Variants in BMP2K observed in about 807,000 individuals in gnomAD.
BMP2K encodes the protein BMP-2-inducible protein kinase.
In BMP2K, 74 loss-of-function variants were observed where a neutral mutation model predicts 116.0. That is an observed-to-expected ratio of 0.64 (90% confidence interval 0.53 to 0.77). BMP2K has a LOEUF of 0.77. Among genes scored for constraint, BMP2K ranks in the 30% least tolerant of loss-of-function variants. BMP2K has a pLI of 0.00. For synonymous variants in BMP2K, 486 were observed against 502.5 expected (o/e 0.97, Z 0.44); for missense variants, 1,365 against 1,403.6 (o/e 0.97, Z 0.44).
intron 13 of BMP2K, among the ~76,000 whole-genome samples, chr4:78,874,050 C>T (rs1412417430): frequency 6.6e-5 from 10 of 151,838 alleles, no homozygotes; most frequent in Non-Finnish European, 7.4e-5. Context: ...TGGTGGTGCG[C>T]GCCTGTAATC....
intron 1 of BMP2K, among the ~76,000 whole-genome samples, chr4:78,782,991 C>G (rs1373740070): frequency 6.6e-6 from 1 of 152,130 alleles, no homozygotes; most frequent in Non-Finnish European, 1.5e-5. Context: ...GTGACAGTAC[C>G]TGACAGTGCA....
chr4:78,881,471 T>C (rs573961969), intron 14 of BMP2K, among the ~76,000 whole-genome samples: 19 of 152,176 alleles, frequency 1.2e-4, no homozygotes, highest in African/African-American at 4.6e-4. Flanking sequence ...ACCCACTCTT[T>C]TAGGGTTCAA....
At chr4:78,843,184 A>G (rs1362098846) in intron 4 of BMP2K, among the ~76,000 whole-genome samples, 1 of 151,974 alleles carries the variant, frequency 6.6e-6, no homozygotes, top group Non-Finnish European at 1.5e-5. Flanking sequence ...CTGAGATTAC[A>G]AAAATCACTC....
In BMP2K at chr4:78,847,888, G is replaced by A. The variant is rs572495398; in HGVS notation, c.750+619G>A. 1.6e-4 allele frequency among the ~76,000 whole-genome samples: 24 copies of A among 151,714 alleles called. No individual in the cohort carries two copies. The South Asian group carries it at 4.8e-3, about 30-fold the overall frequency. On this transcript the variant is annotated intron_variant, in intron 6 of 15. Coordinates refer to ENST00000502613, the MANE Select transcript of BMP2K (RefSeq NM_198892.2). ...ATAAAGTAGGAAGAGAGTATTTTAA[G>A]TGTTAATTCATTTAAATTCAGCAGT...
intron 15 of BMP2K, among the ~76,000 whole-genome samples, chr4:78,907,090 C>G (rs753301600): frequency 6.6e-6 from 1 of 151,910 alleles, no homozygotes; most frequent in Non-Finnish European, 1.5e-5. Flanking sequence ...TAGAAACAAC[C>G]TAAATATTCT....
At chr4:78,839,953 GAC>G (rs1730678905) in intron 3 of BMP2K, among the ~76,000 whole-genome samples, 1 of 152,070 alleles carries the variant, frequency 6.6e-6, no homozygotes, top group African/African-American at 2.4e-5. Flanking sequence ...CACCCTCAAA[GAC>G]ACACCCAGAA....
At chr4:78,872,537 A>G (rs1732414875) in intron 12 of BMP2K, 77 bp from the exon 13 acceptor site, 3 of 1,323,492 alleles carry the variant, frequency 2.3e-6, no homozygotes, top group Admixed American at 2.3e-5. Flanking sequence ...AAAGGAAGGA[A>G]CATAGTAAAT....
At chr4:78,789,100 T>C (rs1727882844) in intron 1 of BMP2K, among the ~76,000 whole-genome samples, 1 of 152,120 alleles carries the variant, frequency 6.6e-6, no homozygotes, top group African/African-American at 2.4e-5. Flanking sequence ...CTGAGTATTA[T>C]ATTAACTGTA....
intron 3 of BMP2K, among the ~76,000 whole-genome samples, chr4:78,838,497 C>T (rs1195889937): frequency 6.6e-6 from 1 of 152,162 alleles, no homozygotes; most frequent in Non-Finnish European, 1.5e-5. Flanking sequence ...ATGGAGTATG[C>T]ATGATATCTT....
intron 1 of BMP2K, among the ~76,000 whole-genome samples, chr4:78,798,888 C>A (rs1728428951): frequency 6.6e-6 from 1 of 152,142 alleles, no homozygotes; most frequent in South Asian, 2.1e-4. Flanking sequence ...TTAAGACAAA[C>A]CTTGTTCTTT....
At chr4:78,878,664 G>A in intron 13 of BMP2K, 70 bp from the exon 14 acceptor site, 1 of 1,210,148 alleles carries the variant, frequency 8.3e-7, no homozygotes, top group Non-Finnish European at 1.2e-6. Flanking sequence ...ATAAAGTAGG[G>A]CATTGTAAAT....
chr4:78,846,358 A>G (rs1730999838), intron 5 of BMP2K, among the ~76,000 whole-genome samples: 1 of 151,626 alleles, frequency 6.6e-6, no homozygotes, highest in African/African-American at 2.4e-5. Context: ...CCTCCACAGT[A>G]GTAGTATTCA....
At chr4:78,897,753 G>A (rs535120861) in intron 15 of BMP2K, among the ~76,000 whole-genome samples, 7 of 152,112 alleles carry the variant, frequency 4.6e-5, no homozygotes, top group South Asian at 2.1e-4. Flanking sequence ...TTTCCCAGCC[G>A]TGATTAATAT....
chr4:78,834,718 A>G (rs1029382831), intron 3 of BMP2K, among the ~76,000 whole-genome samples: 2 of 152,172 alleles, frequency 1.3e-5, no homozygotes, highest in Non-Finnish European at 2.9e-5. Flanking sequence ...AAACTCTTAC[A>G]GTTTCCTGAA....
chr4:78,906,281 A>G (rs915283549), intron 15 of BMP2K: 2 of 152,110 alleles, frequency 1.3e-5, no homozygotes, highest in African/African-American at 2.4e-5. Flanking sequence ...TATTTAAACA[A>G]TGTCAGTGTG....
intron 1 of BMP2K, among the ~76,000 whole-genome samples, chr4:78,824,537 A>G (rs1276120461): frequency 6.6e-6 from 1 of 152,202 alleles, no homozygotes; most frequent in African/African-American, 2.4e-5. Context: ...CCATGTTTCA[A>G]TTATCTCCAC....
intron 7 of BMP2K, among the ~76,000 whole-genome samples, chr4:78,857,955 T>C (rs1365226945): frequency 1.3e-5 from 2 of 152,008 alleles, no homozygotes; most frequent in Admixed American, 6.6e-5. Flanking sequence ...ACTGACCTCA[T>C]TATCCTGTCC....
chr4:78,861,432 G>C lies in BMP2K; in HGVS notation c.1031G>C (p.Ser344Thr), dbSNP rs1172537856. 9 of 1,608,634 alleles carry C rather than the reference G, an allele frequency of 5.6e-6. No individual in the cohort carries two copies. The highest frequency in any genetic ancestry group is 7.6e-6 in the Non-Finnish European group (9 of 1,176,726). The change falls in exon 9 of 16, where the codon AGT (serine) becomes ACT (threonine). Residue 344 changes from serine to threonine, a missense_variant. Physicochemically the swap from Ser to Thr is moderately conservative, Grantham distance 58 (BLOSUM62 1). This residue lies in a region of BMP2K where 762 missense variants were observed against 756.7 expected (regional missense o/e 1.01). Transcript: ENST00000502613. Reference protein sequence around the residue: ...PSALPEPMTASEAAARKSQIK... With the variant: ...PSALPEPMTATEAAARKSQIK... ...GCTCTTCCTGAACCGATGACTGCTAGTGAAGCAGCTGCTAGGAAAAGCCAA... is the reference window on the plus strand; with the variant it reads ...GCTCTTCCTGAACCGATGACTGCTACTGAAGCAGCTGCTAGGAAAAGCCAA...
chr4:78,823,978 T>C (rs1729757165), intron 1 of BMP2K, among the ~76,000 whole-genome samples: 1 of 152,228 alleles, frequency 6.6e-6, no homozygotes, highest in African/African-American at 2.4e-5. Context: ...TTAGGTCTTC[T>C]ACTTTCTGGC....
Sources: gnomAD v4.1 joint callset for allele counts (sites outside exome capture counted in the v4.1 genomes callset) on GRCh38, gnomAD v4.1.1 for gene constraint, gnomAD v4.1.1 regional missense constraint, MANE v1.5 for transcripts, NCBI Gene and HGNC (gene_info 2026-07-23, HGNC 2026-07-21) for gene names.